SLC39A12: variants seen among roughly 807,000 people sequenced by gnomAD.
SLC39A12 encodes the protein zinc transporter ZIP12.
A neutral mutation model predicts 71.1 loss-of-function variants in SLC39A12; 63 were observed. The ratio of observed to expected loss-of-function variants is 0.89; its 90% CI spans 0.72 to 1.09. The LOEUF (loss-of-function observed/expected upper bound fraction) is 1.09, where lower values mean the gene tolerates loss of function less well. Among genes scored for constraint, SLC39A12 ranks in the 50% least tolerant of loss-of-function variants. The pLI is 0.00. For synonymous variants in SLC39A12, 351 were observed against 301.3 expected, an observed-to-expected ratio of 1.16 and a Z score of -1.71; for missense variants, 892 against 812.6, an observed-to-expected ratio of 1.10 and a Z score of -1.19.
chr10:17,952,301 CTGAG>C (rs1834419974), intron 1 of SLC39A12, among the ~76,000 whole-genome samples: 1 of 89,018 alleles, frequency 1.1e-5, no homozygotes, highest in African/African-American at 3.9e-5. Flanking sequence ...TTAGTCACCA[CTGAG>C]TGAGTGTGTG....
chr10:17,952,551 G>A (rs1248611706), intron 1 of SLC39A12, among the ~76,000 whole-genome samples: 2 of 145,476 alleles, frequency 1.4e-5, no homozygotes, highest in Non-Finnish European at 3.0e-5. Flanking sequence ...GCAGTGGCAC[G>A]ATCTTGGCTC....
chr10:17,966,939 A>G (rs1834840641), intron 4 of SLC39A12, among the ~76,000 whole-genome samples: 1 of 151,788 alleles, frequency 6.6e-6, no homozygotes, highest in African/African-American at 2.4e-5. Context: ...GCGCCACTGC[A>G]CTCCACCTTT....
At chr10:17,995,489 G>T (rs1835660187) in intron 9 of SLC39A12, among the ~76,000 whole-genome samples, 167 bp from the exon 10 acceptor site, 1 of 152,176 alleles carries the variant, frequency 6.6e-6, no homozygotes, top group Non-Finnish European at 1.5e-5. Context: ...TTTGCCCACA[G>T]ACTTTCAGCT....
chr10:17,977,619 TA>T (rs1835142360), intron 4 of SLC39A12, among the ~76,000 whole-genome samples: 1 of 152,218 alleles, frequency 6.6e-6, no homozygotes, highest in Non-Finnish European at 1.5e-5. Flanking sequence ...TTGACTTAAC[TA>T]AAGTAATAAT....
chr10:17,968,465 A>G (rs116627948), intron 4 of SLC39A12, among the ~76,000 whole-genome samples: 2,065 of 152,256 alleles, frequency 0.014, 41 homozygotes, highest in African/African-American at 0.043. Context: ...TGGGAACTTT[A>G]CCCAAGTGGT....
At chr10:18,006,948 TG>T (rs1836039178) in intron 12 of SLC39A12, among the ~76,000 whole-genome samples, 1 of 152,166 alleles carries the variant, frequency 6.6e-6, no homozygotes. Context: ...GGGTCAGAGA[TG>T]GGGCTGAGTG....
chr10:17,977,809 G>C, intron 4 of SLC39A12, 93 bp from the exon 5 acceptor site: 1 of 947,340 alleles, frequency 1.1e-6, no homozygotes, highest in Non-Finnish European at 1.5e-6. Context: ...AGAATTCTTT[G>C]TAAGGGAATA....
chr10:17,953,861 A>G (rs1367063570), intron 2 of SLC39A12, among the ~76,000 whole-genome samples: 2 of 152,246 alleles, frequency 1.3e-5, no homozygotes, highest in African/African-American at 2.4e-5. Context: ...TAAAGCCTTC[A>G]GTGCACTTGC....
At chr10:18,017,971 G>T (rs1340896075) in intron 12 of SLC39A12, among the ~76,000 whole-genome samples, 1 of 152,040 alleles carries the variant, frequency 6.6e-6, no homozygotes, top group Non-Finnish European at 1.5e-5. Flanking sequence ...ACATCAAATT[G>T]GAAATAACTG....
intron 12 of SLC39A12, among the ~76,000 whole-genome samples, chr10:18,033,205 G>T (rs372386712): frequency 1.4e-5 from 2 of 143,180 alleles, no homozygotes; most frequent in African/African-American, 5.2e-5. Context: ...CTATTGATTG[G>T]AATAGTTTCA....
rs202002457 is a variant in SLC39A12, at chr10:17,995,697, C to T, written c.1575C>T (p.Gly525=). The T allele has an allele frequency of 3.7e-6, 6 of 1,613,040 alleles. No individual in the cohort carries two copies. The highest frequency in any genetic ancestry group is 3.3e-4 in the Middle Eastern group (2 of 6,076). The change falls in exon 10 of 13, where the codon GGC becomes GGT. Residue 525 remains glycine (G), a synonymous_variant. Transcript: ENST00000377369. ...EDSQAAEMPI[G]SMTASNRKCK... is the part of the protein sequence containing the mutation. Reference sequence around the variant, plus strand: ...CACAGGCAGCTGAAATGCCTATAGGCAGTATGACAGCCTCCAACAGAAAAT... The same window carrying T: ...CACAGGCAGCTGAAATGCCTATAGGTAGTATGACAGCCTCCAACAGAAAAT...
chr10:18,009,464 C>A (rs916847210), intron 12 of SLC39A12, among the ~76,000 whole-genome samples: 1 of 152,186 alleles, frequency 6.6e-6, no homozygotes, highest in South Asian at 2.1e-4. Context: ...CCTCTTCCCC[C>A]ATCAACCTCC....
At chr10:18,041,823 G>A (rs28478337) in intron 12 of SLC39A12, among the ~76,000 whole-genome samples, 10,813 of 133,670 alleles carry the variant, frequency 0.081, 663 homozygotes, top group East Asian at 0.21. Context: ...ATACGTATAT[G>A]TATGTACATA....
At chr10:17,964,515 C>T (rs982932443) in intron 3 of SLC39A12, among the ~76,000 whole-genome samples, 1 of 152,274 alleles carries the variant, frequency 6.6e-6, no homozygotes, top group East Asian at 1.9e-4. Context: ...AGTACAGTGC[C>T]TGGCACATTG....
chr10:17,993,828 A>T (rs1835617655), intron 9 of SLC39A12, among the ~76,000 whole-genome samples: 1 of 152,264 alleles, frequency 6.6e-6, no homozygotes, highest in Non-Finnish European at 1.5e-5. Flanking sequence ...ATCATGTTCA[A>T]AACAATATTC....
At position 17,983,056 on chromosome 10, in the gene SLC39A12, C is replaced by T. The variant is rs1030131444; in HGVS notation, c.1096+1573C>T. Among the ~76,000 whole-genome samples, 5 of 148,126 alleles carry T rather than the reference C, an allele frequency of 3.4e-5. No homozygotes were observed. In the East Asian group the frequency reaches 6.0e-4, roughly 18 times the overall value. ...ATTAAAAATTAAAAAAAAAAATAGC[C>T]GGGCATGCTGGTGGGCGGCTGTAGT... is the stretch of plus-strand genomic sequence containing the variant. On this transcript the variant is annotated intron_variant, in intron 6 of 12. Transcript: ENST00000377369.
intron 4 of SLC39A12, among the ~76,000 whole-genome samples, chr10:17,972,953 G>A (rs1726508846): frequency 6.6e-6 from 1 of 151,544 alleles, no homozygotes; most frequent in African/African-American, 2.4e-5. Flanking sequence ...ATTTTCTCTG[G>A]TGTTATGATT....
intron 2 of SLC39A12, among the ~76,000 whole-genome samples, chr10:17,958,883 G>C (rs1309835960): frequency 5.9e-5 from 9 of 152,018 alleles, no homozygotes; most frequent in Admixed American, 5.9e-4. Context: ...ACATAGGCTG[G>C]AGACATTTTG....
intron 6 of SLC39A12, among the ~76,000 whole-genome samples, chr10:17,983,671 AC>A (rs1835329039): frequency 6.6e-6 from 1 of 151,846 alleles, no homozygotes. Flanking sequence ...AATCCCAGCT[AC>A]TCGGGAGGCT....
Sources: gnomAD v4.1 joint callset for allele counts (sites outside exome capture counted in the v4.1 genomes callset) on GRCh38, gnomAD v4.1.1 for gene constraint, MANE v1.5 for transcripts, NCBI Gene and HGNC (gene_info 2026-07-23, HGNC 2026-07-21) for gene names.